The following POLK variants were observed in gnomAD, a reference collection of about 807,000 sequenced individuals.
The protein encoded by POLK is DNA polymerase kappa, also known as polymerase (DNA directed) kappa.
Under a neutral mutation model 94.0 loss-of-function variants are expected in POLK, and 76 were observed. That is an observed-to-expected ratio of 0.81 (90% confidence interval 0.67 to 0.98). The LOEUF is 0.98. Among genes scored for constraint, POLK ranks in the 50% least tolerant of loss-of-function variants. The probability of loss-of-function intolerance (pLI) is 0.00; values close to 1 mark genes in which losing one functional copy is unlikely to be tolerated. For missense variants in POLK, 954 were observed against 1,010.1 expected (o/e 0.94, Z 0.75); for synonymous variants, 349 against 325.4 (o/e 1.07, Z -0.78).
intron 5 of POLK, among the ~76,000 whole-genome samples, chr5:75,576,047 T>C: frequency 6.6e-6 from 1 of 152,290 alleles, no homozygotes; most frequent in African/African-American, 2.4e-5. Context: ...TTTTATGTAG[T>C]AACACTATGT....
chr5:75,524,141 C>T (rs960165350), intron 1 of POLK, among the ~76,000 whole-genome samples: 1 of 149,526 alleles, frequency 6.7e-6, no homozygotes. Context: ...AAAAAAAAAA[C>T]AACAAAAAAA....
intron 8 of POLK, 66 bp downstream of exon 8, chr5:75,583,483 C>G (rs1054105125): frequency 2.2e-6 from 2 of 889,744 alleles, no homozygotes; most frequent in Non-Finnish European, 3.3e-6. Context: ...CTGTGTAGGC[C>G]AATAGTTAAT....
intron 3 of POLK, among the ~76,000 whole-genome samples, chr5:75,556,917 A>T (rs1249855207): frequency 2.0e-5 from 3 of 152,004 alleles, no homozygotes; most frequent in Non-Finnish European, 4.4e-5. Context: ...GAAAAAATTA[A>T]CTCGGGGTGG....
Position 75,569,224 on chromosome 5 carries a change from A to ATGG in POLK, c.256-116_256-115insTGG, listed in dbSNP as rs1771451193. 1.2e-5 allele frequency: 8 copies of ATGG among 660,230 alleles called. No homozygotes were observed. In the East Asian group the frequency reaches 2.3e-4, roughly 19 times the overall value. The allele number at this position is 660,230 out of a possible 1,614,324, so 40.9% of individuals were successfully genotyped here. A position where few individuals can be genotyped will look rare whatever the true frequency, so the allele number is the denominator to read the frequency against. The stretch of plus-strand genomic sequence containing the variant: ...GGATGAATGGATGGATGGATGGATG[A>ATGG]ATGGGTGTGTGGACAGAGACTGATA... On this transcript the variant is annotated intron_variant, in intron 3 of 14. Transcript: ENST00000241436.
At chr5:75,577,764 T>C (rs188176598) in intron 6 of POLK, among the ~76,000 whole-genome samples, 124 of 152,330 alleles carry the variant, frequency 8.1e-4, no homozygotes, top group African/African-American at 2.9e-3. Context: ...AATCTAACTC[T>C]CTCACATTAT....
chr5:75,581,577 T>C (rs1247715249), intron 7 of POLK, 129 bp downstream of exon 7: 1 of 775,240 alleles, frequency 1.3e-6, no homozygotes, highest in Non-Finnish European at 2.1e-6. Flanking sequence ...TCATTCAACT[T>C]CTAACAACTT....
chr5:75,569,322 CTT>C lies in POLK; in HGVS notation c.256-13_256-12del. 1 of 1,579,548 alleles carries C rather than the reference CTT, an allele frequency of 6.3e-7. No individual in the cohort carries two copies. The highest frequency in any genetic ancestry group is 1.1e-5 in the South Asian group (1 of 87,844). On this transcript the variant is annotated splice_polypyrimidine_tract_variant and intron_variant, in intron 3 of 14. Coordinates refer to ENST00000241436, the Ensembl canonical transcript of POLK. ...ATTATGTTGTCTAAAAGTATGTTAACTTTTTTAAAAAATTAAGGTTGACAGAT... is the reference window on the plus strand; with the variant it reads ...ATTATGTTGTCTAAAAGTATGTTAACTTTTAAAAAATTAAGGTTGACAGAT...
At chr5:75,571,987 T>C (rs2112774764) in intron 4 of POLK, among the ~76,000 whole-genome samples, 1 of 152,370 alleles carries the variant, frequency 6.6e-6, no homozygotes, top group Non-Finnish European at 1.5e-5. Flanking sequence ...AGGATTAGTA[T>C]AGTTCTGAGT....
intron 1 of POLK, among the ~76,000 whole-genome samples, chr5:75,532,861 T>C (rs1336875867): frequency 1.3e-5 from 2 of 152,202 alleles, no homozygotes; most frequent in Non-Finnish European, 2.9e-5. Flanking sequence ...TTTTCATATG[T>C]TTGTTAGCCA....
Position 75,577,861 on chromosome 5 carries a change from C to G in POLK, c.694+928C>G, listed in dbSNP as rs575220365. The stretch of plus-strand genomic sequence containing the variant: ...ATTTAAAGTGCTAAGGGATAGCTCT[C>G]TCTTTTTTTTTATAGGAGCATTAAA... On this transcript the variant is annotated intron_variant, in intron 6 of 14. Coordinates refer to ENST00000241436, the Ensembl canonical transcript of POLK. 1.3e-4 allele frequency among the ~76,000 whole-genome samples: 20 copies of G among 152,284 alleles called. No individual in the cohort carries two copies. The South Asian group carries it at 4.1e-3, about 32-fold the overall frequency.
At chr5:75,600,466 C>T (rs1773272621) in exon 15 of POLK, 2 of 152,130 alleles carry the variant, frequency 1.3e-5, no homozygotes, top group African/African-American at 4.8e-5. Flanking sequence ...GGTTATCTTT[C>T]ATTACAGTTA....
At chr5:75,552,738 T>C (rs1390625109) in intron 3 of POLK, 147 bp downstream of exon 3, 1 of 836,636 alleles carries the variant, frequency 1.2e-6, no homozygotes, top group African/African-American at 1.7e-5. Flanking sequence ...TGAACATACT[T>C]TACTTTGCTA....
At chr5:75,515,932 G>A (rs973383498) in intron 1 of POLK, among the ~76,000 whole-genome samples, 1 of 152,064 alleles carries the variant, frequency 6.6e-6, no homozygotes, top group Admixed American at 6.6e-5. Flanking sequence ...TTTTGACTGG[G>A]GTAAGATGAT....
chr5:75,595,020 G>A (rs982377643), intron 12 of POLK, among the ~76,000 whole-genome samples: 2 of 152,080 alleles, frequency 1.3e-5, no homozygotes, highest in African/African-American at 4.8e-5. Context: ...GGAGGCCAAG[G>A]CAGGTGGATT....
At chr5:75,532,688 A>C (rs1024661737) in intron 1 of POLK, among the ~76,000 whole-genome samples, 2 of 152,216 alleles carry the variant, frequency 1.3e-5, no homozygotes, top group Admixed American at 6.5e-5. Context: ...GCCTGAACTA[A>C]TTTACATTCC....
At chr5:75,511,343 G>A (rs1302809924), upstream of POLK, 6 of 1,544,662 alleles carry the variant, frequency 3.9e-6, no homozygotes, top group Non-Finnish European at 2.6e-6. Flanking sequence ...GGAGCAGGAG[G>A]AGGGACGAAG....
intron 1 of POLK, among the ~76,000 whole-genome samples, chr5:75,545,554 T>C (rs1769969517): frequency 6.6e-6 from 1 of 152,226 alleles, no homozygotes; most frequent in African/African-American, 2.4e-5. Flanking sequence ...TGTAAATATC[T>C]TTAAAAGCTA....
At chr5:75,570,534 T>C (rs972946672) in intron 4 of POLK, among the ~76,000 whole-genome samples, 4 of 152,214 alleles carry the variant, frequency 2.6e-5, no homozygotes, top group African/African-American at 9.6e-5. Flanking sequence ...TTGCCAACCC[T>C]AGTTCTGGAA....
At chr5:75,561,831 A>C (rs1340062594) in intron 3 of POLK, among the ~76,000 whole-genome samples, 2 of 151,996 alleles carry the variant, frequency 1.3e-5, no homozygotes, top group East Asian at 3.9e-4. Context: ...ATGTGGTGTT[A>C]TTTCTGAGGC....
Sources: gnomAD v4.1 joint callset for allele counts (sites outside exome capture counted in the v4.1 genomes callset) on GRCh38, gnomAD v4.1.1 for gene constraint, MANE v1.5 for transcripts, NCBI Gene and HGNC (gene_info 2026-07-23, HGNC 2026-07-21) for gene names.